PDE4D: variants seen among roughly 807,000 people sequenced by gnomAD.
PDE4D encodes 3',5'-cyclic-AMP phosphodiesterase 4D.
In PDE4D, 24 loss-of-function variants were observed where a neutral mutation model predicts 87.4. The observed-to-expected ratio is 0.27, with a 90% CI of 0.20 to 0.39. The LOEUF (loss-of-function observed/expected upper bound fraction) is 0.39. PDE4D is among the 10% of genes least tolerant of loss of function. PDE4D has a pLI of 1.00. For missense variants in PDE4D, 714 were observed against 1,041.0 expected, an observed-to-expected ratio of 0.69 and a Z score of 4.32; for synonymous variants, 384 against 383.2, an observed-to-expected ratio of 1.00 and a Z score of -0.02.
chr5:59,701,442 G>T (rs1249989299), intron 1 of PDE4D, among the ~76,000 whole-genome samples: 1 of 152,154 alleles, frequency 6.6e-6, no homozygotes. Flanking sequence ...AGTATACCTA[G>T]AACATAGTAC....
At chr5:59,412,527 T>C (rs1256268425) in intron 1 of PDE4D, among the ~76,000 whole-genome samples, 2 of 152,130 alleles carry the variant, frequency 1.3e-5, no homozygotes, top group Non-Finnish European at 2.9e-5. Flanking sequence ...CTCCCAACAA[T>C]CTGGCCCATG....
intron 5 of PDE4D, among the ~76,000 whole-genome samples, chr5:59,110,807 G>A (rs1442176435): frequency 6.6e-6 from 1 of 152,184 alleles, no homozygotes; most frequent in African/African-American, 2.4e-5. Flanking sequence ...AGGAGGCAGA[G>A]GCTGCAGTGA....
chr5:59,504,854 A>G lies in PDE4D; in HGVS notation c.456-288886T>C, dbSNP rs7708183. On this transcript the variant is annotated intron_variant, in intron 1 of 14. Coordinates refer to ENST00000340635, the MANE Select transcript of PDE4D (RefSeq NM_001104631.2). ...GCTCTGCTCTCCCCAGAAAAACCTC[A>G]TAATTTTATAAGTAATACATACTTT... Among the ~76,000 whole-genome samples the G allele has an allele frequency of 5.1e-3, 776 of 151,834 alleles. 11 individuals are homozygous for G. Among genetic ancestry groups the G allele is most frequent in the African/African-American group, 0.017 (701 of 41,346 alleles).
At chr5:59,936,130 A>G (rs1038244344) in intron 3 of PDE4D, among the ~76,000 whole-genome samples, 2 of 152,008 alleles carry the variant, frequency 1.3e-5, no homozygotes, top group Non-Finnish European at 2.9e-5. Flanking sequence ...CAAACACCGC[A>G]TGTTCTCACT....
intron 1 of PDE4D, among the ~76,000 whole-genome samples, chr5:60,430,477 T>C (rs1474052002): frequency 1.3e-5 from 2 of 151,700 alleles, no homozygotes; most frequent in Non-Finnish European, 2.9e-5. Flanking sequence ...TCTGCTTGAC[T>C]AATTTCCTTG....
At chr5:59,583,863 A>G (rs1278662743) in intron 1 of PDE4D, among the ~76,000 whole-genome samples, 5 of 152,242 alleles carry the variant, frequency 3.3e-5, no homozygotes, top group Non-Finnish European at 7.3e-5. Context: ...AGCAGGACAG[A>G]AAGAGGACCA....
chr5:59,359,642 T>C (rs1481582100), intron 1 of PDE4D, among the ~76,000 whole-genome samples: 1 of 152,214 alleles, frequency 6.6e-6, no homozygotes, highest in Non-Finnish European at 1.5e-5. Flanking sequence ...CTAGGATGAA[T>C]CTTTACTAGC....
At position 60,170,904 on chromosome 5, in the gene PDE4D, T is replaced by A. The variant is rs995979019; in HGVS notation, c.42+14653A>T. On this transcript the variant is annotated intron_variant, in intron 2 of 16. Coordinates refer to the PDE4D transcript ENST00000502484. ...GCTGGGAAAGCTTAAGTGAAAATGG[T>A]AAACCATAAAATCTGTCAGATGAAA... Among the ~76,000 whole-genome samples the A allele has an allele frequency of 2.9e-4, 44 of 152,042 alleles. 1 individual carries two copies. The highest frequency in any genetic ancestry group is 2.7e-3 in the Admixed American group (41 of 15,258).
At chr5:59,828,747 C>T (rs1236130733) in intron 1 of PDE4D, among the ~76,000 whole-genome samples, 1 of 152,066 alleles carries the variant, frequency 6.6e-6, no homozygotes, top group East Asian at 1.9e-4. Flanking sequence ...ATAAAACACA[C>T]CCAGGGATTC....
At chr5:59,793,218 C>T (rs951345092) in intron 1 of PDE4D, among the ~76,000 whole-genome samples, 12 of 152,152 alleles carry the variant, frequency 7.9e-5, no homozygotes, top group African/African-American at 2.9e-4. Flanking sequence ...AGATGTCCAG[C>T]GTCCAGCTGT....
chr5:59,250,122 G>C (rs889134316), intron 1 of PDE4D, among the ~76,000 whole-genome samples: 3 of 151,872 alleles, frequency 2.0e-5, no homozygotes, highest in Admixed American at 6.6e-5. Flanking sequence ...GGGATTTCTG[G>C]CATTCCACCA....
intron 1 of PDE4D, among the ~76,000 whole-genome samples, chr5:60,223,903 T>G (rs1744784784): frequency 6.6e-6 from 1 of 152,170 alleles, no homozygotes; most frequent in African/African-American, 2.4e-5. Context: ...CACAGTTTCT[T>G]CTGCCATATG....
At chr5:59,818,864 A>AT (rs1561711970) in intron 1 of PDE4D, among the ~76,000 whole-genome samples, 1 of 124,886 alleles carries the variant, frequency 8.0e-6, no homozygotes, top group Non-Finnish European at 1.8e-5. Context: ...AAAAAAAAAA[A>AT]GTAGATAAAA....
chr5:59,148,427 G>T (rs868202612), intron 5 of PDE4D, among the ~76,000 whole-genome samples: 1 of 152,096 alleles, frequency 6.6e-6, no homozygotes, highest in African/African-American at 2.4e-5. Context: ...GCTCTCATTT[G>T]TTTCATGGAG....
intron 1 of PDE4D, among the ~76,000 whole-genome samples, chr5:59,827,011 TACTC>T (rs1417662583): frequency 6.6e-6 from 1 of 152,032 alleles, no homozygotes; most frequent in African/African-American, 2.4e-5. Context: ...TCTAGACTGT[TACTC>T]AAGCCAAAAC....
At chr5:59,971,260 T>G in intron 3 of PDE4D, among the ~76,000 whole-genome samples, 1 of 148,674 alleles carries the variant, frequency 6.7e-6, no homozygotes, top group East Asian at 2.1e-4. Context: ...TAATGCTAGA[T>G]GACGAGTTAG....
chr5:59,428,485 C>T (rs1387993234), intron 1 of PDE4D, among the ~76,000 whole-genome samples: 1 of 151,804 alleles, frequency 6.6e-6, no homozygotes, highest in Non-Finnish European at 1.5e-5. Flanking sequence ...AAACCACAAC[C>T]GAGATGATAT....
chr5:60,165,368 G>A (rs1332074092), intron 2 of PDE4D, among the ~76,000 whole-genome samples: 4 of 152,076 alleles, frequency 2.6e-5, no homozygotes, highest in Non-Finnish European at 5.9e-5. Context: ...TGGTCTATCT[G>A]TTTGTTTGTT....
At chr5:59,127,407 T>A (rs990209119) in intron 5 of PDE4D, among the ~76,000 whole-genome samples, 1 of 152,102 alleles carries the variant, frequency 6.6e-6, no homozygotes, top group African/African-American at 2.4e-5. Flanking sequence ...CAGAATTAAT[T>A]TTTTTCCTTC....
Sources: allele counts gnomAD v4.1 joint callset (sites outside exome capture counted in the v4.1 genomes callset), GRCh38; gene constraint gnomAD v4.1.1; transcripts MANE v1.5; gene names NCBI Gene and HGNC (gene_info 2026-07-23, HGNC 2026-07-21).